TBC1D22A: variants seen among roughly 807,000 people sequenced by gnomAD.
TBC1D22A encodes the protein putative GTPase activator.
Under a neutral mutation model 60.2 loss-of-function variants are expected in TBC1D22A, and 38 were observed. The observed-to-expected ratio is 0.63, with a 90% CI of 0.49 to 0.83. The LOEUF is 0.83. Ranked by LOEUF, TBC1D22A falls within the 40% of genes least tolerant of loss-of-function variation. TBC1D22A has a pLI of 0.00. For missense variants in TBC1D22A, 628 were observed against 701.0 expected, an observed-to-expected ratio of 0.90 and a Z score of 1.18; for synonymous variants, 302 against 281.7, an observed-to-expected ratio of 1.07 and a Z score of -0.72.
intron 10 of TBC1D22A, among the ~76,000 whole-genome samples, chr22:47,025,681 G>A (rs1266146992): frequency 1.3e-5 from 2 of 152,240 alleles, no homozygotes; most frequent in Non-Finnish European, 1.5e-5. Flanking sequence ...AGTACTGAGT[G>A]TGTGAGAAGA....
At chr22:46,941,206 T>TACACACACACACACACAC (rs1555959638) in intron 8 of TBC1D22A, among the ~76,000 whole-genome samples, 2 of 55,786 alleles carry the variant, frequency 3.6e-5, no homozygotes, top group Non-Finnish European at 7.0e-5. Flanking sequence ...TGTATATATG[T>TACACACACACACACACAC]ATACACACAC....
intron 10 of TBC1D22A, among the ~76,000 whole-genome samples, chr22:47,021,670 C>A (rs1417715592): frequency 2.0e-5 from 3 of 152,120 alleles, no homozygotes; most frequent in Non-Finnish European, 4.4e-5. Flanking sequence ...CACCTGTAGC[C>A]TGGGCCCATA....
At chr22:46,765,332 C>T (rs1405362961) in intron 1 of TBC1D22A, among the ~76,000 whole-genome samples, 2 of 152,236 alleles carry the variant, frequency 1.3e-5, no homozygotes, top group Non-Finnish European at 2.9e-5. Flanking sequence ...GGTGATTGGT[C>T]ACTAGCTGCG....
Position 47,094,876 on chromosome 22 carries a change from G to A in TBC1D22A, c.1330-16632G>A, listed in dbSNP as rs533721990. On this transcript the variant is annotated intron_variant, in intron 11 of 12. Transcript: ENST00000337137. The stretch of plus-strand genomic sequence containing the variant: ...TCCTGTGACTCACTAGATTTGATTG[G>A]CTGTGACCTTTGTCTTTAACCAGTT... Among the ~76,000 whole-genome samples the A allele has an allele frequency of 4.6e-5, 7 of 152,140 alleles. No individual in the cohort carries two copies. The South Asian group carries it at 1.5e-3, about 32-fold the overall frequency.
chr22:46,862,484 G>A (rs1042823434), intron 4 of TBC1D22A, among the ~76,000 whole-genome samples: 1 of 152,182 alleles, frequency 6.6e-6, no homozygotes, highest in African/African-American at 2.4e-5. Context: ...TGCACTCTGT[G>A]GCTTGTCCAG....
intron 4 of TBC1D22A, among the ~76,000 whole-genome samples, chr22:46,836,961 C>A (rs1030475650): frequency 5.3e-5 from 8 of 150,626 alleles, no homozygotes; most frequent in African/African-American, 2.0e-4. Context: ...GAGTTTGAGA[C>A]CAGCCTGGGC....
At chr22:46,885,111 C>T (rs1444360712) in intron 5 of TBC1D22A, among the ~76,000 whole-genome samples, 3 of 152,220 alleles carry the variant, frequency 2.0e-5, no homozygotes, top group African/African-American at 2.4e-5. Flanking sequence ...TGGACAGTCA[C>T]CTGTGAGCCC....
At chr22:46,826,371 C>T (rs1015926908) in intron 4 of TBC1D22A, among the ~76,000 whole-genome samples, 2 of 152,226 alleles carry the variant, frequency 1.3e-5, no homozygotes, top group African/African-American at 4.8e-5. Flanking sequence ...GTACTCACAT[C>T]TTAGCTCTCA....
intron 12 of TBC1D22A, among the ~76,000 whole-genome samples, chr22:47,114,053 G>A (rs1231457496): frequency 6.6e-6 from 1 of 152,218 alleles, no homozygotes; most frequent in Non-Finnish European, 1.5e-5. Context: ...TCCTCACCCT[G>A]CCGCAGCTCA....
intron 11 of TBC1D22A, among the ~76,000 whole-genome samples, chr22:47,090,062 C>T (rs552519175): frequency 2.0e-5 from 3 of 152,144 alleles, no homozygotes; most frequent in African/African-American, 4.8e-5. Context: ...CCGTGCGCAG[C>T]GGTCCCGTGC....
At chr22:46,972,397 G>A (rs1304166766) in intron 8 of TBC1D22A, among the ~76,000 whole-genome samples, 2 of 152,202 alleles carry the variant, frequency 1.3e-5, no homozygotes, top group Non-Finnish European at 2.9e-5. Flanking sequence ...GACAGCCCAG[G>A]GTCTACCAGC....
At chr22:46,930,197 C>A (rs1309532313) in intron 8 of TBC1D22A, among the ~76,000 whole-genome samples, 1 of 152,164 alleles carries the variant, frequency 6.6e-6, no homozygotes, top group African/African-American at 2.4e-5. Context: ...CATCAGACCA[C>A]GCCGGCCTGC....
At chr22:46,776,438 C>T (rs925116513) in intron 1 of TBC1D22A, among the ~76,000 whole-genome samples, 5 of 151,746 alleles carry the variant, frequency 3.3e-5, no homozygotes, top group African/African-American at 9.7e-5. Context: ...GGCACAGCTG[C>T]GGCTGCGTGG....
At chr22:47,118,804 CACACACACAT>C (rs1256824023) in intron 12 of TBC1D22A, among the ~76,000 whole-genome samples, 2 of 125,018 alleles carry the variant, frequency 1.6e-5, no homozygotes, top group Non-Finnish European at 3.3e-5. Context: ...CACACACACA[CACACACACAT>C]ACATTTAAAA....
intron 10 of TBC1D22A, among the ~76,000 whole-genome samples, chr22:47,012,596 C>T (rs182080209): frequency 4.6e-5 from 7 of 152,272 alleles, no homozygotes; most frequent in Admixed American, 1.3e-4. Context: ...GCTGCCTTCC[C>T]GGCTCTTCCT....
intron 12 of TBC1D22A, among the ~76,000 whole-genome samples, chr22:47,150,551 G>A (rs1007927098): frequency 3.3e-5 from 5 of 152,178 alleles, no homozygotes; most frequent in Admixed American, 2.0e-4. Flanking sequence ...CCTGTGCCAC[G>A]GTACTTCTGC....
chr22:47,116,494 TC>T (rs2066061477), intron 12 of TBC1D22A: 1 of 152,338 alleles, frequency 6.6e-6, no homozygotes, highest in Non-Finnish European at 1.5e-5. Flanking sequence ...AGAAGCAGCT[TC>T]CTCCAGCATG....
chr22:47,147,851 T>C (rs561879656), intron 12 of TBC1D22A, among the ~76,000 whole-genome samples: 4 of 152,286 alleles, frequency 2.6e-5, no homozygotes, highest in Admixed American at 1.3e-4. Context: ...AGGCTGTCGG[T>C]CCTGGGCAGA....
intron 11 of TBC1D22A, among the ~76,000 whole-genome samples, chr22:47,067,611 G>C (rs1043567896): frequency 6.6e-6 from 1 of 152,222 alleles, no homozygotes; most frequent in African/African-American, 2.4e-5. Context: ...TCTGCCCCAG[G>C]CTGTCCTGTT....
Sources: allele counts gnomAD v4.1 joint callset (sites outside exome capture counted in the v4.1 genomes callset), GRCh38; gene constraint gnomAD v4.1.1; transcripts MANE v1.5; gene names NCBI Gene and HGNC (gene_info 2026-07-23, HGNC 2026-07-21).